Variants in KCNN1 observed in about 807,000 individuals in gnomAD.
KCNN1 encodes the protein small conductance calcium-activated potassium channel protein 1.
In KCNN1, 20 loss-of-function variants were observed where a neutral mutation model predicts 44.7. The ratio of observed to expected loss-of-function variants is 0.45; its 90% CI spans 0.32 to 0.65. KCNN1 has a LOEUF of 0.65. Among genes scored for constraint, KCNN1 ranks in the 30% least tolerant of loss-of-function variants. The probability of loss-of-function intolerance (pLI) is 0.05; values close to 1 mark genes in which losing one functional copy is unlikely to be tolerated. For missense variants in KCNN1, 632 were observed against 785.3 expected, an observed-to-expected ratio of 0.80 and a Z score of 2.33; for synonymous variants, 324 against 341.7, an observed-to-expected ratio of 0.95 and a Z score of 0.57.
intron 4 of KCNN1, chr19:17,982,566 A>G: frequency 7.1e-6 from 7 of 985,334 alleles, no homozygotes; most frequent in Non-Finnish European, 7.2e-6. Context: ...ACTGGACTTT[A>G]GGGAAAACAT....
chr19:17,998,199 C>G lies in KCNN1; in HGVS notation c.1425C>G (p.His475Gln), dbSNP rs115169939. Residue 475 changes from histidine to glutamine, a missense_variant, in exon 10 of 10, where the codon CAC becomes CAG. Physicochemically the swap from His to Gln is conservative, Grantham distance 24 (BLOSUM62 0). Coordinates refer to ENST00000684775, the MANE Select transcript of KCNN1 (RefSeq NM_001386974.1). The surrounding 1 kb of genome is among the most constrained non-coding windows in gnomAD (Gnocchi z 5.4). ...YDLVSELHAQHEELEARLATL... is the reference protein window; with the variant it reads ...YDLVSELHAQQEELEARLATL... Reference sequence around the variant, plus strand: ...TTGTATCGGAGCTGCACGCTCAGCACGAGGAGCTGGAGGCCCGCCTGGCCA... The same window carrying G: ...TTGTATCGGAGCTGCACGCTCAGCAGGAGGAGCTGGAGGCCCGCCTGGCCA... The G allele has an allele frequency of 3.1e-6, 5 of 1,596,624 alleles. No individual in the cohort carries two copies. Among genetic ancestry groups the G allele is most frequent in the South Asian group, 1.1e-5 (1 of 88,404 alleles).
At chr19:17,967,059 C>G, upstream of KCNN1, 6 of 950,780 alleles carry the variant, frequency 6.3e-6, no homozygotes, top group Non-Finnish European at 5.0e-6. Context: ...CTCGGCCAAT[C>G]GGCGGCGGCT....
At chr19:17,967,350 A>T (rs1487668227) in intron 1 of KCNN1, 33 bp downstream of exon 1, 4 of 978,508 alleles carry the variant, frequency 4.1e-6, no homozygotes, top group Non-Finnish European at 4.9e-6. Flanking sequence ...GTGCGGGAGG[A>T]TCCAGGATCT....
At chr19:17,996,242 G>A (rs2032989626) in intron 9 of KCNN1, among the ~76,000 whole-genome samples, 1 of 151,346 alleles carries the variant, frequency 6.6e-6, no homozygotes, top group Non-Finnish European at 1.5e-5. Context: ...GGAGGTAAAA[G>A]CTGCAGTCAG....
rs1048621907 is a variant in KCNN1 at position 17,998,366 on chromosome 19, C to T, written c.1592C>T (p.Pro531Leu). The change falls in exon 10 of 10, where the codon CCC (proline) becomes CTC (leucine). Residue 531 changes from proline (P) to leucine (L), a missense_variant. Around this residue, in one of 3 missense-constraint regions of KCNN1, gnomAD observed 237 missense variants for 253.0 expected, o/e 0.94. Transcript: ENST00000684775. This position sits in a 1 kb window ranked among gnomAD's most constrained non-coding sequence, Gnocchi z 5.4. The part of the protein sequence containing the change: ...GPQDQAARSS[P>L]CRWTPVAPSD... ...CAAGACCAGGCAGCCCGGAGCTCCC[C>T]CTGCCGGTGGACGCCCGTGGCCCCC... 8 of 1,504,270 alleles carry T rather than the reference C, an allele frequency of 5.3e-6. No individual in the cohort carries two copies. The Admixed American group carries it at 8.4e-5, about 16-fold the overall frequency. The allele number at this position is 1,504,270 out of a possible 1,614,324, so 93.2% of individuals were successfully genotyped here. A position where few individuals can be genotyped will look rare whatever the true frequency, so the allele number is the denominator to read the frequency against.
intron 5 of KCNN1, among the ~76,000 whole-genome samples, chr19:17,987,485 G>C (rs1240222433): frequency 6.6e-6 from 1 of 152,168 alleles, no homozygotes; most frequent in African/African-American, 2.4e-5. Flanking sequence ...TGCTGTTGCA[G>C]AGCCGTTGTC....
chr19:17,980,029 C>T lies in KCNN1; in HGVS notation c.499-1680C>T, dbSNP rs543978295. ...CCAGCCTGGGCAACAGAGCGAGTCC[C>T]CATCTCTGCATTAATTTTCTTTTTC... On this transcript the variant is annotated intron_variant, in intron 3 of 9. Coordinates refer to ENST00000684775, the MANE Select transcript of KCNN1 (RefSeq NM_001386974.1). 8.6e-5 allele frequency among the ~76,000 whole-genome samples: 13 copies of T among 151,076 alleles called. No homozygotes were observed. In the South Asian group the frequency reaches 1.3e-3, roughly 15 times the overall value.
Position 17,998,911 on chromosome 19 carries a change from C to T in KCNN1, c.*505C>T, listed in dbSNP as rs2033096232. ...TCTCTAGGGACACCTGTACCAGCCC[C>T]ACCTGGCGCTGAGATCCCTCAGACA... On this transcript the variant is annotated 3_prime_UTR_variant, in exon 10 of 10. Transcript: ENST00000684775. The surrounding 1 kb of genome is among the most constrained non-coding windows in gnomAD (Gnocchi z 5.4). 6.5e-6 allele frequency: 1 copy of T among 152,842 alleles called. No individual in the cohort carries two copies. The highest frequency in any genetic ancestry group is 1.5e-5 in the Non-Finnish European group (1 of 68,498). The allele number at this position is 152,842 out of a possible 1,614,324, so 9.5% of individuals were successfully genotyped here.
At chr19:17,967,958 G>T (rs1042900305) in intron 1 of KCNN1, among the ~76,000 whole-genome samples, 2 of 151,866 alleles carry the variant, frequency 1.3e-5, no homozygotes, top group Non-Finnish European at 2.9e-5. Context: ...GTGATGGGGG[G>T]ATCGGGCGGG....
At chr19:17,971,873 A>C (rs2032035187) in intron 1 of KCNN1, among the ~76,000 whole-genome samples, 1 of 152,056 alleles carries the variant, frequency 6.6e-6, no homozygotes, top group African/African-American at 2.4e-5. Flanking sequence ...CATTTACATA[A>C]AGAATGGAGC....
chr19:17,960,016 G>A (rs1268398195), intron 2 of KCNN1, among the ~76,000 whole-genome samples: 1 of 151,972 alleles, frequency 6.6e-6, no homozygotes, highest in Non-Finnish European at 1.5e-5. Context: ...CCAGGAGGTG[G>A]AGGTTGCAGT....
intron 2 of KCNN1, among the ~76,000 whole-genome samples, chr19:17,959,592 A>C (rs1178024484): frequency 2.6e-5 from 4 of 151,980 alleles, no homozygotes; most frequent in African/African-American, 9.7e-5. Context: ...TAGTAGAGAC[A>C]GGGTTTCATC....
At chr19:17,958,915 T>C (rs1242225427) in intron 2 of KCNN1, among the ~76,000 whole-genome samples, 2 of 151,646 alleles carry the variant, frequency 1.3e-5, no homozygotes, top group Non-Finnish European at 2.9e-5. Context: ...TTAACCAGGA[T>C]GGTCTCGATA....
chr19:17,964,642 C>T (rs1056986647), upstream of KCNN1, among the ~76,000 whole-genome samples: 2 of 152,196 alleles, frequency 1.3e-5, no homozygotes, highest in Non-Finnish European at 2.9e-5. The surrounding 1 kb of genome is among the most constrained non-coding windows in gnomAD (Gnocchi z 4.3). Context: ...CCAGACAGCC[C>T]CCACCAGAAG....
In KCNN1 at chr19:17,981,163, T is replaced by C. The variant is rs188043882; in HGVS notation, c.499-546T>C. ...ACCCGGGAGGCAGAGGTTGCCAAGA[T>C]CGTCTTCATGGTGCATGAGCCAAGT... is the stretch of plus-strand genomic sequence containing the variant. On this transcript the variant is annotated intron_variant, in intron 3 of 9. Coordinates refer to ENST00000684775, the MANE Select transcript of KCNN1 (RefSeq NM_001386974.1). Among the ~76,000 whole-genome samples the C allele has an allele frequency of 2.3e-3, 347 of 148,606 alleles. 4 individuals carry two copies. Among genetic ancestry groups the C allele is most frequent in the South Asian group, 8.2e-3 (38 of 4,658 alleles).
chr19:17,955,158 G>A (rs199923238), intron 2 of KCNN1, among the ~76,000 whole-genome samples: 1 of 98,426 alleles, frequency 1.0e-5, no homozygotes, highest in East Asian at 5.0e-4. Flanking sequence ...TGGGAGTATC[G>A]AGTCCAGGAG....
intron 2 of KCNN1, among the ~76,000 whole-genome samples, chr19:17,957,849 G>A (rs1334284037): frequency 6.6e-6 from 1 of 152,096 alleles, no homozygotes; most frequent in Non-Finnish European, 1.5e-5. Context: ...AGGAGTGGAG[G>A]TGGCAGGAGC....
At chr19:17,992,932 C>A in intron 7 of KCNN1, 122 bp from the exon 8 acceptor site, 1 of 1,281,808 alleles carries the variant, frequency 7.8e-7, no homozygotes, top group Non-Finnish European at 1.1e-6. Flanking sequence ...CATCTGGGAA[C>A]CCCGCGCGGG....
At chr19:17,971,966 TC>T (rs1424377396) in intron 1 of KCNN1, 1 of 151,638 alleles carries the variant, frequency 6.6e-6, no homozygotes, top group Non-Finnish European at 1.5e-5. Flanking sequence ...GCCCAGGAGT[TC>T]CAGACCAGCC....
Sources: gnomAD v4.1 joint callset for allele counts (sites outside exome capture counted in the v4.1 genomes callset) on GRCh38, gnomAD v4.1.1 for gene constraint, gnomAD v4.1.1 regional missense constraint, Gnocchi (gnomAD v3.1) non-coding constraint, MANE v1.5 for transcripts, NCBI Gene and HGNC (gene_info 2026-07-23, HGNC 2026-07-21) for gene names.